The following PTPRN2 variants were observed in gnomAD, a reference collection of about 807,000 sequenced individuals.
PTPRN2 encodes protein tyrosine phosphatase receptor type N2, also known as receptor-type tyrosine-protein phosphatase N2.
In PTPRN2, 74 loss-of-function variants were observed where a neutral mutation model predicts 118.8. The ratio of observed to expected loss-of-function variants is 0.62; its 90% CI spans 0.52 to 0.76. The LOEUF (loss-of-function observed/expected upper bound fraction) is 0.76, where lower values mean the gene tolerates loss of function less well. Ranked by LOEUF, PTPRN2 falls within the 30% of genes least tolerant of loss-of-function variation. The pLI is 0.00. For missense variants in PTPRN2, 1,481 were observed against 1,394.4 expected (o/e 1.06, Z -0.99); for synonymous variants, 641 against 608.0 (o/e 1.05, Z -0.80).
At chr7:157,648,931 T>C (rs375309270) in intron 14 of PTPRN2, among the ~76,000 whole-genome samples, 317 of 64,240 alleles carry the variant, frequency 4.9e-3, no homozygotes, top group Middle Eastern at 0.025. Context: ...GCACTGAACT[T>C]GGTGGGTCAG....
chr7:158,270,780 AC>A (rs1563067179), intron 3 of PTPRN2, among the ~76,000 whole-genome samples: 9 of 67,650 alleles, frequency 1.3e-4, no homozygotes, highest in African/African-American at 5.8e-4. Context: ...GTCCACCTGG[AC>A]CACCCCTCCA....
chr7:157,561,789 A>G (rs1799204288), intron 21 of PTPRN2, among the ~76,000 whole-genome samples: 1 of 152,240 alleles, frequency 6.6e-6, no homozygotes, highest in African/African-American at 2.4e-5. Flanking sequence ...CTGCAGCCAC[A>G]GACTCCTTAC....
chr7:157,641,837 C>T (rs1302228380), intron 14 of PTPRN2, among the ~76,000 whole-genome samples: 1 of 152,180 alleles, frequency 6.6e-6, no homozygotes, highest in Non-Finnish European at 1.5e-5. Flanking sequence ...CATGTGGAGT[C>T]AAGCACCACT....
intron 2 of PTPRN2, among the ~76,000 whole-genome samples, chr7:158,345,100 T>G (rs1036887501): frequency 4.6e-5 from 7 of 152,186 alleles, no homozygotes; most frequent in Non-Finnish European, 1.0e-4. Context: ...GGGTGGACCC[T>G]GCTGCCTGGG....
Position 157,931,505 on chromosome 7 carries a change from G to A in PTPRN2, c.1724-32768C>T, listed in dbSNP as rs147882600. On this transcript the variant is annotated intron_variant, in intron 11 of 22. Coordinates refer to ENST00000389418, the MANE Select transcript of PTPRN2 (RefSeq NM_002847.5). The stretch of plus-strand genomic sequence containing the variant: ...GCACTGAAAGAAAAGTGACTGAAAT[G>A]TGAGCTCAATTCTTAATCTAACCCT... 1.7e-3 allele frequency among the ~76,000 whole-genome samples: 263 copies of A among 152,320 alleles called. 1 individual carries two copies. The highest frequency in any genetic ancestry group is 6.0e-3 in the African/African-American group (249 of 41,576).
At chr7:158,489,843 G>A (rs1446772230) in intron 1 of PTPRN2, 58 bp from the exon 2 acceptor site, 4 of 1,486,900 alleles carry the variant, frequency 2.7e-6, no homozygotes, top group Non-Finnish European at 2.7e-6. Flanking sequence ...GGGTGCCCCC[G>A]AGGCTGCCTT....
chr7:158,110,849 G>C lies in PTPRN2; in HGVS notation c.1623C>G (p.Ser541Arg), dbSNP rs146442134. 5.0e-6 allele frequency: 8 copies of C among 1,589,474 alleles called. No homozygotes were observed. The highest frequency in any genetic ancestry group is 6.9e-6 in the Non-Finnish European group (8 of 1,167,534). The change falls in exon 10 of 23, where the codon AGC (serine) becomes AGG (arginine). Residue 541 changes from serine to arginine, a missense_variant. Around this residue, in one of 3 missense-constraint regions of PTPRN2, gnomAD observed 1,115 missense variants for 994.2 expected, o/e 1.12. Coordinates refer to ENST00000389418, the MANE Select transcript of PTPRN2 (RefSeq NM_002847.5). ...CTTACTCCACGTCAGCGAACGCACT[G>C]CTGGGCACCTGCAGGAGGCGGGCGA... ...EDVARLLQVP[S>R]SAFADVEVLG...
rs979619237 is a variant in PTPRN2, at chr7:158,015,473, AAGAGAGGG to A, written c.1723+65817_1723+65824del. On this transcript the variant is annotated intron_variant, in intron 11 of 22. Transcript: ENST00000389418. The surrounding 1 kb of genome is among the most constrained non-coding windows in gnomAD (Gnocchi z 4.2). ...GGGTGGTGAGAGAGAGAGAGAGAGG[AAGAGAGGG>A]AGAGAGGGAGAGAGGGAGATAGAGG... 2.4e-4 allele frequency among the ~76,000 whole-genome samples: 34 copies of A among 140,484 alleles called. No individual in the cohort carries two copies. Among genetic ancestry groups the A allele is most frequent in the South Asian group, 1.5e-3 (7 of 4,590 alleles). 92.2% of individuals were successfully genotyped at this position (140,484 alleles called of 152,430 possible). A position where few individuals can be genotyped will look rare whatever the true frequency, so the allele number is the denominator to read the frequency against.
chr7:158,187,458 C>G (rs1484354882), intron 5 of PTPRN2, among the ~76,000 whole-genome samples: 1 of 152,114 alleles, frequency 6.6e-6, no homozygotes, highest in African/African-American at 2.4e-5. Context: ...AGCCGGGGCC[C>G]AGATCTCTAA....
chr7:157,760,120 C>T (rs1638755), intron 12 of PTPRN2, among the ~76,000 whole-genome samples: 14,971 of 152,206 alleles, frequency 0.098, 1,390 homozygotes, highest in East Asian at 0.22. Context: ...CCATACTCTG[C>T]TCTAGGGGCC....
At chr7:157,642,335 G>T (rs979407454) in intron 14 of PTPRN2, among the ~76,000 whole-genome samples, 4 of 152,222 alleles carry the variant, frequency 2.6e-5, no homozygotes, top group African/African-American at 9.7e-5. Context: ...ACTGCTTGTG[G>T]AATTTCAAAA....
At chr7:158,239,003 GCT>G in intron 3 of PTPRN2, among the ~76,000 whole-genome samples, 1 of 152,310 alleles carries the variant, frequency 6.6e-6, no homozygotes, top group Admixed American at 6.5e-5. Context: ...GGCCTCAGAG[GCT>G]CTCGTGAGGG....
chr7:158,199,289 C>A (rs1447772829), intron 4 of PTPRN2, among the ~76,000 whole-genome samples: 4 of 152,176 alleles, frequency 2.6e-5, no homozygotes, highest in Non-Finnish European at 5.9e-5. Context: ...TTCCTGGTGA[C>A]CCCTTAGGTG....
chr7:157,938,114 C>T (rs796908525), intron 11 of PTPRN2, among the ~76,000 whole-genome samples: 15 of 152,346 alleles, frequency 9.8e-5, no homozygotes, highest in African/African-American at 3.6e-4. Flanking sequence ...GGGCACAGTG[C>T]TCTGGTGAGA....
chr7:158,318,487 G>A (rs546436586), intron 2 of PTPRN2, among the ~76,000 whole-genome samples: 3 of 152,242 alleles, frequency 2.0e-5, no homozygotes, highest in African/African-American at 4.8e-5. Context: ...AGTGAGCCAC[G>A]GGCCAGGAAG....
chr7:158,138,609 C>T (rs527771328), intron 6 of PTPRN2, 94 bp from the exon 7 acceptor site: 214 of 1,228,310 alleles, frequency 1.7e-4, no homozygotes, highest in African/African-American at 8.1e-4. Context: ...GCGTCTGCGG[C>T]GTCCCAAGGC....
At chr7:158,494,463 C>T (rs1160097809) in intron 1 of PTPRN2, among the ~76,000 whole-genome samples, 1 of 152,238 alleles carries the variant, frequency 6.6e-6, no homozygotes, top group Admixed American at 6.5e-5. Flanking sequence ...CTGATGTGAG[C>T]TGGCATCCCA....
Position 157,571,187 on chromosome 7 carries a change from C to T in PTPRN2, c.2837+253G>A, listed in dbSNP as rs533227964. Among the ~76,000 whole-genome samples the T allele has an allele frequency of 3.1e-3, 350 of 113,120 alleles. 2 individuals carry two copies. The highest frequency in any genetic ancestry group is 0.011 in the African/African-American group (323 of 28,124). The allele number at this position is 113,120 out of a possible 152,430, so 74.2% of individuals were successfully genotyped here. A position where few individuals can be genotyped will look rare whatever the true frequency, so the allele number is the denominator to read the frequency against. On this transcript the variant is annotated intron_variant, in intron 20 of 22. Coordinates refer to ENST00000389418, the MANE Select transcript of PTPRN2 (RefSeq NM_002847.5). ...ACGAGACCACGCCATTGCACTGCAG[C>T]GTGGGCAACAGAGTTAAAAAAAAAA...
At chr7:157,723,077 T>C (rs978815013) in intron 12 of PTPRN2, among the ~76,000 whole-genome samples, 5 of 152,226 alleles carry the variant, frequency 3.3e-5, no homozygotes, top group Non-Finnish European at 7.3e-5. Context: ...GGAAGATTTG[T>C]TGGAAGCACA....
Sources: allele counts gnomAD v4.1 joint callset (sites outside exome capture counted in the v4.1 genomes callset), GRCh38; gene constraint gnomAD v4.1.1; regional missense constraint gnomAD v4.1.1; non-coding constraint Gnocchi (gnomAD v3.1); transcripts MANE v1.5; gene names NCBI Gene and HGNC (gene_info 2026-07-23, HGNC 2026-07-21).